The following ARHGAP26 variants were observed in gnomAD, a reference collection of about 807,000 sequenced individuals.
ARHGAP26 encodes the protein rho GTPase-activating protein 26.
A neutral mutation model predicts 104.8 loss-of-function variants in ARHGAP26; 38 were observed. The ratio of observed to expected loss-of-function variants is 0.36; its 90% CI spans 0.28 to 0.48. The LOEUF is 0.48. Among genes scored for constraint, ARHGAP26 ranks in the 20% least tolerant of loss-of-function variants. The pLI is 0.99. For missense variants in ARHGAP26, 704 were observed against 947.9 expected, an observed-to-expected ratio of 0.74 and a Z score of 3.38; for synonymous variants, 341 against 340.0, an observed-to-expected ratio of 1.00 and a Z score of -0.03.
At position 143,137,194 on chromosome 5, in the gene ARHGAP26, A is replaced by G. The variant is rs560497336; in HGVS notation, c.1837+3089A>G. On this transcript the variant is annotated intron_variant, in intron 19 of 22. Coordinates refer to ENST00000645722, the MANE Select transcript of ARHGAP26 (RefSeq NM_001135608.3). ...GTAACCATTAAGATGGAAAGTGGTC[A>G]TCCATATCCCACCTTAGAATTATTT... Among the ~76,000 whole-genome samples, 30 of 152,376 alleles carry G rather than the reference A, an allele frequency of 2.0e-4. 1 individual carries two copies. Among genetic ancestry groups the G allele is most frequent in the African/African-American group, 6.7e-4 (28 of 41,576 alleles).
At chr5:143,004,137 A>G (rs1777605989) in intron 11 of ARHGAP26, among the ~76,000 whole-genome samples, 1 of 152,058 alleles carries the variant, frequency 6.6e-6, no homozygotes. Context: ...AACACTCATC[A>G]GTGTATAAGT....
intron 11 of ARHGAP26, among the ~76,000 whole-genome samples, chr5:142,953,687 C>T (rs988548418): frequency 7.9e-5 from 12 of 152,284 alleles, no homozygotes; most frequent in South Asian, 4.1e-4. Context: ...TCCTTTTATT[C>T]TTTTTTAATT....
intron 11 of ARHGAP26, among the ~76,000 whole-genome samples, chr5:142,959,512 C>CA (rs1184360971): frequency 6.6e-6 from 1 of 152,116 alleles, no homozygotes; most frequent in African/African-American, 2.4e-5. Flanking sequence ...GACTTGAGTC[C>CA]ACAGATCCTT....
chr5:143,045,114 C>A (rs780063715), intron 14 of ARHGAP26, among the ~76,000 whole-genome samples: 1 of 152,182 alleles, frequency 6.6e-6, no homozygotes, highest in Non-Finnish European at 1.5e-5. Context: ...TTGTTTTTAT[C>A]ACTTTTCTTA....
chr5:142,996,949 G>A (rs983987736), intron 11 of ARHGAP26, among the ~76,000 whole-genome samples: 1 of 152,108 alleles, frequency 6.6e-6, no homozygotes, highest in Non-Finnish European at 1.5e-5. Context: ...ATGTACTGCT[G>A]GTGGGAGTCT....
At chr5:142,819,083 A>G (rs1361715237) in intron 1 of ARHGAP26, among the ~76,000 whole-genome samples, 1 of 152,182 alleles carries the variant, frequency 6.6e-6, no homozygotes, top group African/African-American at 2.4e-5. Flanking sequence ...TTGCTAGGTT[A>G]CTGGGATGTC....
At position 142,833,220 on chromosome 5, in the gene ARHGAP26, A is replaced by AT. The variant is rs779035161; in HGVS notation, c.155-40160dup. Among the ~76,000 whole-genome samples, 917 of 133,496 alleles carry AT rather than the reference A, an allele frequency of 6.9e-3. 6 individuals carry two copies. The highest frequency in any genetic ancestry group is 0.015 in the African/African-American group (548 of 37,168). 87.6% of individuals were successfully genotyped at this position (133,496 alleles called of 152,430 possible). ...AGGCACCCACCACCACACCCGGCTA[A>AT]TTTTTTTTTTTTTTTTTTTTAGTAG... is the stretch of plus-strand genomic sequence containing the variant. On this transcript the variant is annotated intron_variant, in intron 1 of 22. Transcript: ENST00000645722.
At chr5:143,082,106 A>G (rs1369651340) in intron 17 of ARHGAP26, among the ~76,000 whole-genome samples, 1 of 149,430 alleles carries the variant, frequency 6.7e-6, no homozygotes, top group African/African-American at 2.5e-5. Flanking sequence ...GGAATACTGT[A>G]TTTTCTACTT....
At chr5:143,057,446 G>A (rs1207070328) in intron 16 of ARHGAP26, among the ~76,000 whole-genome samples, 196 bp from the exon 17 acceptor site, 1 of 152,062 alleles carries the variant, frequency 6.6e-6, no homozygotes, top group Non-Finnish European at 1.5e-5. Flanking sequence ...TGGCAACCCT[G>A]TTCCAGAAAG....
intron 1 of ARHGAP26, among the ~76,000 whole-genome samples, chr5:142,836,505 A>C (rs997932241): frequency 1.3e-5 from 2 of 152,200 alleles, no homozygotes; most frequent in African/African-American, 4.8e-5. Flanking sequence ...GGCTTCAAGT[A>C]AGAAGAAGTC....
In ARHGAP26 at chr5:143,207,234, A is replaced by C. The variant is rs1808705771; in HGVS notation, c.2025A>C (p.Pro675=). 6.2e-7 allele frequency: 1 copy of C among 1,613,538 alleles called. No homozygotes were observed. Among genetic ancestry groups the C allele is most frequent in the South Asian group, 1.1e-5 (1 of 91,034 alleles). ...CAAGCCCAACTTCACCCCTCTCGCC[A>C]TCTTGGCCCATGTTCTCGGCGCCAT... ...PNPSPTSPLS[P]SWPMFSAPSS... Residue 675 remains proline, a synonymous_variant, in exon 21 of 23, where the codon CCA becomes CCC. Coordinates refer to ENST00000645722, the MANE Select transcript of ARHGAP26 (RefSeq NM_001135608.3).
At chr5:142,889,075 A>G (rs1404386771) in intron 5 of ARHGAP26, among the ~76,000 whole-genome samples, 2 of 152,338 alleles carry the variant, frequency 1.3e-5, no homozygotes, top group East Asian at 3.9e-4. Flanking sequence ...GAGAAGCATA[A>G]CATTCCGCTT....
chr5:143,030,472 T>C (rs565995355), intron 12 of ARHGAP26, among the ~76,000 whole-genome samples: 1 of 152,368 alleles, frequency 6.6e-6, no homozygotes, highest in African/African-American at 2.4e-5. Context: ...CTTGTGCCAC[T>C]TTTGTTCTTC....
In ARHGAP26 at chr5:142,913,222, C is replaced by G; in HGVS notation, c.957C>G (p.Leu319=). The G allele has an allele frequency of 1.2e-6, 2 of 1,614,176 alleles. No individual in the cohort carries two copies. Among genetic ancestry groups the G allele is most frequent in the East Asian group, 4.5e-5 (2 of 44,884 alleles). ...AGGGAGAAGATGAATCAGTTATCCT[C>G]AAATCCTGCACACGGCGGAAAACAG... ...GKGGEDESVI[L]KSCTRRKTDS... The change falls in exon 10 of 23, where the codon CTC becomes CTG. Residue 319 remains leucine, a synonymous_variant. Coordinates refer to ENST00000645722, the MANE Select transcript of ARHGAP26 (RefSeq NM_001135608.3).
chr5:142,965,135 C>T (rs939551938), intron 11 of ARHGAP26, among the ~76,000 whole-genome samples: 1 of 152,150 alleles, frequency 6.6e-6, no homozygotes, highest in African/African-American at 2.4e-5. Context: ...ACTTTTAGTA[C>T]TTTCACTAAT....
At chr5:142,975,234 GC>G (rs1276714518) in intron 11 of ARHGAP26, among the ~76,000 whole-genome samples, 3 of 152,138 alleles carry the variant, frequency 2.0e-5, no homozygotes, top group African/African-American at 7.2e-5. Context: ...CCCCTCCTAG[GC>G]CTGTGGTTCT....
intron 20 of ARHGAP26, chr5:143,172,850 T>C (rs1018762733): frequency 6.1e-6 from 1 of 164,810 alleles, no homozygotes; most frequent in Non-Finnish European, 1.3e-5. Context: ...TTGAGGTCTG[T>C]GGGAATATAA....
At chr5:143,102,658 G>T (rs1360525642) in intron 17 of ARHGAP26, among the ~76,000 whole-genome samples, 1 of 152,216 alleles carries the variant, frequency 6.6e-6, no homozygotes, top group Non-Finnish European at 1.5e-5. Flanking sequence ...TCATTGCACA[G>T]CTCATGAAAT....
intron 20 of ARHGAP26, among the ~76,000 whole-genome samples, chr5:143,183,180 A>G (rs1804647534): frequency 6.6e-6 from 1 of 152,082 alleles, no homozygotes; most frequent in South Asian, 2.1e-4. Context: ...CAAAAGATGT[A>G]TAAACACAGT....
Sources: allele counts gnomAD v4.1 joint callset (sites outside exome capture counted in the v4.1 genomes callset), GRCh38; gene constraint gnomAD v4.1.1; transcripts MANE v1.5; gene names NCBI Gene and HGNC (gene_info 2026-07-23, HGNC 2026-07-21).